GPC5: variants seen among roughly 807,000 people sequenced by gnomAD.
The protein encoded by GPC5 is glypican-5.
GPC5 carries 47 observed loss-of-function variants against 53.9 expected under a neutral mutation model. The ratio of observed to expected loss-of-function variants is 0.87; its 90% CI spans 0.69 to 1.11. The LOEUF is 1.11. Ranked by LOEUF, GPC5 falls within the 50% of genes most tolerant of loss-of-function variation. The pLI is 0.00. For missense variants in GPC5, 748 were observed against 713.1 expected, an observed-to-expected ratio of 1.05 and a Z score of -0.56; for synonymous variants, 286 against 263.3, an observed-to-expected ratio of 1.09 and a Z score of -0.84.
At chr13:92,672,026 A>G (rs1243767763) in intron 7 of GPC5, among the ~76,000 whole-genome samples, 1 of 152,178 alleles carries the variant, frequency 6.6e-6, no homozygotes, top group Non-Finnish European at 1.5e-5. Context: ...GTGAATGAGG[A>G]CAACTCACAG....
At chr13:92,837,038 G>C (rs1454091034) in intron 7 of GPC5, among the ~76,000 whole-genome samples, 1 of 151,938 alleles carries the variant, frequency 6.6e-6, no homozygotes, top group Non-Finnish European at 1.5e-5. Flanking sequence ...CATATACCTA[G>C]GCACATTATG....
At chr13:92,238,998 TA>T (rs36083366) in intron 7 of GPC5, among the ~76,000 whole-genome samples, 77,048 of 147,594 alleles carry the variant, frequency 0.52, 19,857 homozygotes, top group South Asian at 0.59. Context: ...CTGACAAGAT[TA>T]TTTTTTTTTT....
chr13:91,818,729 C>G (rs1566282401), intron 5 of GPC5, among the ~76,000 whole-genome samples: 1 of 152,074 alleles, frequency 6.6e-6, no homozygotes, highest in Non-Finnish European at 1.5e-5. Context: ...CCTTGAGGGT[C>G]AATAACTCAG....
At chr13:92,270,682 A>C (rs1043059480) in intron 7 of GPC5, among the ~76,000 whole-genome samples, 3 of 152,220 alleles carry the variant, frequency 2.0e-5, no homozygotes, top group Non-Finnish European at 4.4e-5. Context: ...ATGAATTGCA[A>C]ATAAGAGGAT....
chr13:92,624,758 T>G (rs2139120982), intron 7 of GPC5, among the ~76,000 whole-genome samples: 1 of 152,338 alleles, frequency 6.6e-6, no homozygotes, highest in South Asian at 2.1e-4. Context: ...GTACACCTGC[T>G]TCTTCTCTGC....
intron 2 of GPC5, among the ~76,000 whole-genome samples, chr13:91,654,046 A>G (rs1362177901): frequency 6.6e-6 from 1 of 152,080 alleles, no homozygotes; most frequent in Non-Finnish European, 1.5e-5. Context: ...TGCATCTCTA[A>G]TGTGACTTAA....
intron 6 of GPC5, among the ~76,000 whole-genome samples, chr13:92,142,920 C>A (rs1379689738): frequency 1.3e-5 from 2 of 152,104 alleles, no homozygotes; most frequent in African/African-American, 4.8e-5. Flanking sequence ...AATTATAAAT[C>A]ATATAATTGC....
At chr13:92,549,085 T>C (rs1882221321) in intron 7 of GPC5, among the ~76,000 whole-genome samples, 1 of 152,134 alleles carries the variant, frequency 6.6e-6, no homozygotes, top group Non-Finnish European at 1.5e-5. Context: ...CTCTCATTTT[T>C]GAAATAGGTA....
chr13:91,813,920 ATTTTTTTTTTTTT>A lies in GPC5; in HGVS notation c.1280+57518_1280+57530del, dbSNP rs71113766. The stretch of plus-strand genomic sequence containing the variant: ...TTAGACTGTTGGATTATCTTAACTG[ATTTTTTTTTTTTT>A]TTTTTTTTTTTTTTTTTGAGACAGA... On this transcript the variant is annotated intron_variant, in intron 5 of 7. Coordinates refer to ENST00000377067, the MANE Select transcript of GPC5 (RefSeq NM_004466.6). Among the ~76,000 whole-genome samples, 151 of 72,638 alleles carry A rather than the reference ATTTTTTTTTTTTT, an allele frequency of 2.1e-3. 2 individuals are homozygous for A. In the East Asian group the frequency reaches 0.026, roughly 12 times the overall value. The allele number at this position is 72,638 out of a possible 152,430, so 47.7% of individuals were successfully genotyped here.
intron 5 of GPC5, among the ~76,000 whole-genome samples, chr13:91,795,513 A>G (rs2038032802): frequency 6.6e-6 from 1 of 152,104 alleles, no homozygotes; most frequent in Non-Finnish European, 1.5e-5. Context: ...TTGCTTTTGG[A>G]TGGATGCCAA....
chr13:92,032,421 C>A lies in GPC5; in HGVS notation c.1402-112409C>A, dbSNP rs549823965. On this transcript the variant is annotated intron_variant, in intron 6 of 7. Transcript: ENST00000377067. ...GTGTAACCAAATACCACCCGTTTCCCCCCAAACCTATGGAAATAAAAATTT... is the reference window on the plus strand; with the variant it reads ...GTGTAACCAAATACCACCCGTTTCCACCCAAACCTATGGAAATAAAAATTT... 4.6e-5 allele frequency among the ~76,000 whole-genome samples: 7 copies of A among 151,246 alleles called. No individual in the cohort carries two copies. The East Asian group carries it at 1.2e-3, about 25-fold the overall frequency.
intron 6 of GPC5, among the ~76,000 whole-genome samples, chr13:92,052,467 A>T (rs1594744807): frequency 6.6e-6 from 1 of 152,308 alleles, no homozygotes; most frequent in Non-Finnish European, 1.5e-5. Context: ...TAGGGTGGCC[A>T]GCTTTTATTT....
intron 2 of GPC5, among the ~76,000 whole-genome samples, chr13:91,622,590 CCT>C (rs1340942609): frequency 1.3e-5 from 2 of 151,902 alleles, no homozygotes; most frequent in Non-Finnish European, 2.9e-5. Flanking sequence ...AGACAAAAAT[CCT>C]CTCTAGCCTG....
At chr13:91,844,479 C>G (rs539992255) in intron 5 of GPC5, among the ~76,000 whole-genome samples, 2 of 152,050 alleles carry the variant, frequency 1.3e-5, no homozygotes, top group African/African-American at 2.4e-5. Context: ...GAATTGCACC[C>G]GAGTCTTCTC....
intron 7 of GPC5, among the ~76,000 whole-genome samples, chr13:92,429,506 T>G (rs1229702863): frequency 6.6e-6 from 1 of 151,916 alleles, no homozygotes; most frequent in Non-Finnish European, 1.5e-5. Flanking sequence ...AATCCAAATT[T>G]TATAATCACA....
intron 6 of GPC5, among the ~76,000 whole-genome samples, chr13:92,119,390 GTTTTTTTTTTTTT>G (rs386380215): frequency 6.5e-4 from 43 of 65,692 alleles, no homozygotes; most frequent in African/African-American, 2.7e-3. Flanking sequence ...TAGGATTTTA[GTTTTTTTTTTTTT>G]TTTTTTTTTT....
chr13:91,745,799 A>G (rs1032651332), intron 4 of GPC5, among the ~76,000 whole-genome samples: 1 of 152,158 alleles, frequency 6.6e-6, no homozygotes, highest in African/African-American at 2.4e-5. Flanking sequence ...TTCATTTATG[A>G]TAAACGTGCC....
At chr13:92,478,457 G>C (rs561777056) in intron 7 of GPC5, among the ~76,000 whole-genome samples, 3 of 152,246 alleles carry the variant, frequency 2.0e-5, no homozygotes, top group African/African-American at 7.2e-5. Flanking sequence ...TATTTGATGG[G>C]ATAATTTAAA....
At chr13:92,774,832 A>G (rs1410204580) in intron 7 of GPC5, among the ~76,000 whole-genome samples, 1 of 152,242 alleles carries the variant, frequency 6.6e-6, no homozygotes, top group Non-Finnish European at 1.5e-5. Context: ...TATTTCTTAT[A>G]GAGGTGAATC....
Sources: allele counts gnomAD v4.1 joint callset (sites outside exome capture counted in the v4.1 genomes callset), GRCh38; gene constraint gnomAD v4.1.1; transcripts MANE v1.5; gene names NCBI Gene and HGNC (gene_info 2026-07-23, HGNC 2026-07-21).